Variants in TEAD1 observed in about 807,000 individuals in gnomAD.
TEAD1 encodes the protein TEA domain transcription factor 1, also known as transcriptional enhancer factor TEF-1.
A neutral mutation model predicts 54.9 loss-of-function variants in TEAD1; 9 were observed. The ratio of observed to expected loss-of-function variants is 0.16; its 90% CI spans 0.10 to 0.29. TEAD1 has a LOEUF of 0.29. Ranked by LOEUF, TEAD1 falls within the 10% of genes least tolerant of loss-of-function variation. TEAD1 has a pLI of 1.00. For synonymous variants in TEAD1, 200 were observed against 187.8 expected (o/e 1.07, Z -0.53); for missense variants, 387 against 535.9 (o/e 0.72, Z 2.74).
intron 2 of TEAD1, among the ~76,000 whole-genome samples, chr11:12,730,943 C>G (rs1944413647): frequency 2.0e-5 from 3 of 151,864 alleles, no homozygotes; most frequent in Non-Finnish European, 1.5e-5. Context: ...CTCAAGTGAT[C>G]CGCCCGCCTC....
Position 12,860,709 on chromosome 11 carries a change from C to T in TEAD1, c.203-1541C>T, listed in dbSNP as rs547698045. ...TTGAGGAAGAAGACAGAGTTCTTCC[C>T]CTCTTCAAGTATGCAGTATATCTGG... On this transcript the variant is annotated intron_variant, in intron 3 of 12. Transcript: ENST00000527636. Among the ~76,000 whole-genome samples, 27 of 152,264 alleles carry T rather than the reference C, an allele frequency of 1.8e-4. 1 individual carries two copies. Among genetic ancestry groups the T allele is most frequent in the African/African-American group, 6.0e-4 (25 of 41,550 alleles).
At chr11:12,811,916 G>A (rs140171881) in intron 3 of TEAD1, among the ~76,000 whole-genome samples, 10 of 152,030 alleles carry the variant, frequency 6.6e-5, no homozygotes, top group African/African-American at 1.4e-4. Context: ...GTTGTAGATC[G>A]AACTTCTCCC....
At chr11:12,867,055 C>T (rs1287095841) in intron 5 of TEAD1, among the ~76,000 whole-genome samples, 11 of 152,180 alleles carry the variant, frequency 7.2e-5, no homozygotes, top group Admixed American at 1.3e-4. Flanking sequence ...TATGAAGTGA[C>T]TTACAGTATT....
At chr11:12,855,446 C>T (rs181702420) in intron 3 of TEAD1, among the ~76,000 whole-genome samples, 4 of 152,080 alleles carry the variant, frequency 2.6e-5, no homozygotes, top group East Asian at 2.0e-4. Context: ...TGTGCCACCA[C>T]GCCCAGCTTA....
chr11:12,783,254 A>G (rs1168737140), intron 3 of TEAD1, among the ~76,000 whole-genome samples: 2 of 139,922 alleles, frequency 1.4e-5, no homozygotes, highest in South Asian at 2.2e-4. Flanking sequence ...CAGTCAGCCC[A>G]TGGCTGACCA....
intron 6 of TEAD1, 92 bp from the exon 7 acceptor site, chr11:12,880,913 T>G: frequency 4.3e-6 from 6 of 1,410,666 alleles, no homozygotes; most frequent in Non-Finnish European, 5.0e-6. Context: ...TCGAACCTGC[T>G]GTCTTTTAGC....
At chr11:12,924,674 C>G (rs965906143) in intron 10 of TEAD1, among the ~76,000 whole-genome samples, 1 of 151,984 alleles carries the variant, frequency 6.6e-6, no homozygotes, top group Non-Finnish European at 1.5e-5. Flanking sequence ...ATACTGAATG[C>G]AAGAAAGTAA....
intron 3 of TEAD1, among the ~76,000 whole-genome samples, chr11:12,789,642 C>T (rs1945753292): frequency 6.6e-6 from 1 of 152,222 alleles, no homozygotes; most frequent in African/African-American, 2.4e-5. Context: ...GATGGCTTTT[C>T]AGCCAGGTTG....
chr11:12,817,392 A>C (rs563471126), intron 3 of TEAD1, among the ~76,000 whole-genome samples: 1 of 152,358 alleles, frequency 6.6e-6, no homozygotes, highest in African/African-American at 2.4e-5. Flanking sequence ...AGAGACTGGC[A>C]TGTACCTAAT....
intron 3 of TEAD1, among the ~76,000 whole-genome samples, chr11:12,772,826 T>G (rs750971636): frequency 6.6e-6 from 1 of 152,170 alleles, no homozygotes; most frequent in Non-Finnish European, 1.5e-5. Flanking sequence ...CTCGTTTGTG[T>G]GTGCGTACTA....
chr11:12,930,250 A>C lies in TEAD1; in HGVS notation c.1091A>C (p.Asn364Thr). Reference sequence around the variant, plus strand: ...TCCCCAATGTGTGAATATATGATCAACTTCATCCACAAGCTCAAACACTTA... The same window carrying C: ...TCCCCAATGTGTGAATATATGATCACCTTCATCCACAAGCTCAAACACTTA... The change falls in exon 12 of 13, where the codon AAC (asparagine) becomes ACC (threonine). Residue 364 changes from asparagine (N) to threonine (T), a missense_variant. By Grantham distance (65) the Asn-to-Thr change is moderately conservative. Around this residue, in one of 5 missense-constraint regions of TEAD1, gnomAD observed 123 missense variants for 199.0 expected, o/e 0.62. Coordinates refer to ENST00000527636, the MANE Select transcript of TEAD1 (RefSeq NM_021961.6). The C allele has an allele frequency of 6.2e-7, 1 of 1,614,226 alleles. No homozygotes were observed. The highest frequency in any genetic ancestry group is 8.5e-7 in the Non-Finnish European group (1 of 1,180,028).
intron 5 of TEAD1, among the ~76,000 whole-genome samples, chr11:12,874,585 A>G (rs1947817730): frequency 6.6e-6 from 1 of 152,224 alleles, no homozygotes; most frequent in African/African-American, 2.4e-5. Flanking sequence ...GAGTTTATGC[A>G]TGACACAGCC....
intron 2 of TEAD1, among the ~76,000 whole-genome samples, chr11:12,757,372 A>C (rs1945005229): frequency 6.6e-6 from 1 of 152,204 alleles, no homozygotes; most frequent in Admixed American, 6.5e-5. Flanking sequence ...TCAAAAGGGA[A>C]AGGGAAATGG....
chr11:12,849,530 A>G (rs541392620), intron 3 of TEAD1: 1 of 152,334 alleles, frequency 6.6e-6, no homozygotes, highest in East Asian at 1.9e-4. Context: ...CTCCTTCAGC[A>G]TGTTTTCTAA....
rs1259489882 is a variant in TEAD1, at chr11:12,769,229, T to TGAGG, written c.202+4797_202+4800dup. 2.0e-5 allele frequency among the ~76,000 whole-genome samples: 3 copies of TGAGG among 152,078 alleles called. No individual in the cohort carries two copies. The East Asian group carries it at 5.8e-4, about 29-fold the overall frequency. On this transcript the variant is annotated intron_variant, in intron 3 of 12. Transcript: ENST00000527636. The stretch of plus-strand genomic sequence containing the variant: ...CCTGAATTGTGAGGACCAGCGAAGA[T>TGAGG]GAGGGGGAGGGTGTCTCTAGTCAGT...
At chr11:12,758,235 T>G (rs969102233) in intron 2 of TEAD1, among the ~76,000 whole-genome samples, 1 of 143,374 alleles carries the variant, frequency 7.0e-6, no homozygotes, top group Non-Finnish European at 1.5e-5. Flanking sequence ...TTTGTTTTGT[T>G]TTTTTTTTTT....
rs1261389374 is a variant in TEAD1 at position 12,930,199 on chromosome 11, G to T, written c.1040G>T (p.Gly347Val). Reference sequence around the variant, plus strand: ...ACGGAGTATGCAAGGTTTGAGAATGGCCGATTTGTATACCGAATAAACCGC... The same window carrying T: ...ACGGAGTATGCAAGGTTTGAGAATGTCCGATTTGTATACCGAATAAACCGC... The change falls in exon 12 of 13, where the codon GGC (glycine) becomes GTC (valine). Residue 347 changes from glycine to valine, a missense_variant. Transcript: ENST00000527636. 1.2e-6 allele frequency: 2 copies of T among 1,614,146 alleles called. No homozygotes were observed. Among genetic ancestry groups the T allele is most frequent in the Non-Finnish European group, 1.7e-6 (2 of 1,180,032 alleles).
intron 2 of TEAD1, among the ~76,000 whole-genome samples, chr11:12,734,931 C>T (rs887602747): frequency 1.6e-4 from 25 of 152,174 alleles, no homozygotes; most frequent in African/African-American, 6.0e-4. Flanking sequence ...CACACAAACA[C>T]ACCGCCATAT....
chr11:12,759,559 A>G (rs1374191043), intron 2 of TEAD1, among the ~76,000 whole-genome samples: 1 of 152,190 alleles, frequency 6.6e-6, no homozygotes, highest in Non-Finnish European at 1.5e-5. Flanking sequence ...TACAAAGTAT[A>G]CATATTTTTA....
Sources: allele counts gnomAD v4.1 joint callset (sites outside exome capture counted in the v4.1 genomes callset), GRCh38; gene constraint gnomAD v4.1.1; regional missense constraint gnomAD v4.1.1; transcripts MANE v1.5; gene names NCBI Gene and HGNC (gene_info 2026-07-23, HGNC 2026-07-21).